Variants in RFX3 observed in about 807,000 individuals in gnomAD.
RFX3 encodes the protein regulatory factor X3.
A neutral mutation model predicts 98.6 loss-of-function variants in RFX3; 14 were observed. That is an observed-to-expected ratio of 0.14 (90% CI 0.09 to 0.22). The LOEUF is 0.22. Among genes scored for constraint, RFX3 ranks in the 10% least tolerant of loss-of-function variants. The probability of loss-of-function intolerance (pLI) is 1.00; values close to 1 mark genes in which losing one functional copy is unlikely to be tolerated. For synonymous variants in RFX3, 383 were observed against 328.4 expected (o/e 1.17, Z -1.80); for missense variants, 639 against 926.9 (o/e 0.69, Z 4.03).
At chr9:3,276,310 G>C (rs892338922) in intron 8 of RFX3, among the ~76,000 whole-genome samples, 6 of 152,094 alleles carry the variant, frequency 3.9e-5, no homozygotes, top group African/African-American at 1.2e-4. Flanking sequence ...TCCCTTGTGA[G>C]GGAGGCGTAA....
intron 1 of RFX3, among the ~76,000 whole-genome samples, chr9:3,427,462 TATAA>T (rs1172674099): frequency 6.9e-6 from 1 of 144,574 alleles, no homozygotes; most frequent in Non-Finnish European, 1.5e-5. Flanking sequence ...TAATACAATA[TATAA>T]ATATATATTG....
intron 2 of RFX3, among the ~76,000 whole-genome samples, chr9:3,366,710 CT>C (rs1275683586): frequency 3.3e-5 from 3 of 92,022 alleles, no homozygotes; most frequent in Non-Finnish European, 4.4e-5. Flanking sequence ...TTCTTTCTTT[CT>C]TTCTTTCTTT....
chr9:3,502,117 G>C (rs1004464771), intron 1 of RFX3, among the ~76,000 whole-genome samples: 2 of 151,514 alleles, frequency 1.3e-5, no homozygotes, highest in Non-Finnish European at 2.9e-5. Context: ...AAATTAGCCG[G>C]GCGTAGTGGC....
At chr9:3,435,263 T>C (rs577255377) in intron 1 of RFX3, among the ~76,000 whole-genome samples, 2 of 152,202 alleles carry the variant, frequency 1.3e-5, no homozygotes, top group African/African-American at 4.8e-5. Context: ...CTTTCTACTT[T>C]ATAAACTTTT....
At chr9:3,344,843 G>A (rs1834276275) in intron 3 of RFX3, 4 of 715,508 alleles carry the variant, frequency 5.6e-6, no homozygotes, top group Admixed American at 2.0e-5. Context: ...TAAGTTTATG[G>A]TGAAGATTCC....
chr9:3,270,452 T>A lies in RFX3; in HGVS notation c.1276A>T (p.Lys426Ter). Reference protein sequence around the residue: ...ITLCKHESILKWMCNCDHGMY... With the variant: ...ITLCKHESIL ...CCATGGTCACAGTTACACATCCATT[T>A]CAGGATAGACTCATGTTTGCACAGA... is the stretch of plus-strand genomic sequence containing the variant. The change falls in exon 11 of 17, where the codon AAA becomes TAA. Residue 426 changes from lysine to a stop codon, truncating the protein, a stop_gained. Transcript: ENST00000617270. LOFTEE classifies it high-confidence loss of function. The A allele has an allele frequency of 6.2e-7, 1 of 1,613,874 alleles. No homozygotes were observed.
At chr9:3,505,230 GAA>G (rs1564186797) in intron 1 of RFX3, among the ~76,000 whole-genome samples, 3 of 58,358 alleles carry the variant, frequency 5.1e-5, no homozygotes, top group African/African-American at 4.0e-4. Context: ...ATTTATATAT[GAA>G]TATATATTTA....
In RFX3 at chr9:3,248,035, G is replaced by T; in HGVS notation, c.1965C>A (p.Gly655=). ...ATGETPIAVM[G]EFGDLNAVSP... ...CAGCTCTTTCAGCCTCTCTTACCTC[G>T]CCCATGACTGCTATAGGAGTCTCTC... Residue 655 remains glycine, a synonymous_variant, in exon 15 of 17, where the codon GGC becomes GGA. Coordinates refer to ENST00000617270, the MANE Select transcript of RFX3 (RefSeq NM_001282116.2). The T allele has an allele frequency of 2.5e-6, 4 of 1,613,822 alleles. No homozygotes were observed. Among genetic ancestry groups the T allele is most frequent in the Non-Finnish European group, 3.4e-6 (4 of 1,179,908 alleles).
At chr9:3,510,385 G>A (rs1187162962) in intron 1 of RFX3, among the ~76,000 whole-genome samples, 1 of 151,980 alleles carries the variant, frequency 6.6e-6, no homozygotes, top group Non-Finnish European at 1.5e-5. Flanking sequence ...AAGAGACAGT[G>A]TTCTTCCAAA....
chr9:3,222,450 T>C lies in RFX3; in HGVS notation c.*2592A>G, dbSNP rs1586626678. On this transcript the variant is annotated 3_prime_UTR_variant, in exon 17 of 17. Coordinates refer to ENST00000617270, the MANE Select transcript of RFX3 (RefSeq NM_001282116.2). ...TCATCAATCTAAATTTGCCCATTATTACCAGATTCCTGTAATGATACAAAT... is the reference window on the plus strand; with the variant it reads ...TCATCAATCTAAATTTGCCCATTATCACCAGATTCCTGTAATGATACAAAT... 6.6e-6 allele frequency: 1 copy of C among 152,192 alleles called. No individual in the cohort carries two copies. Among genetic ancestry groups the C allele is most frequent in the South Asian group, 2.1e-4 (1 of 4,834 alleles). The allele number at this position is 152,192 out of a possible 1,614,324, so 9.4% of individuals were successfully genotyped here. A position where few individuals can be genotyped will look rare whatever the true frequency, so the allele number is the denominator to read the frequency against.
chr9:3,273,822 A>G lies in RFX3; in HGVS notation c.1086+1678T>C, dbSNP rs570351130. ...GGTGGTTGCAGTGAGCCGAGATCGCACTACTGCACTCCAGCCTGGGTGACA... is the reference window on the plus strand; with the variant it reads ...GGTGGTTGCAGTGAGCCGAGATCGCGCTACTGCACTCCAGCCTGGGTGACA... On this transcript the variant is annotated intron_variant, in intron 9 of 16. Transcript: ENST00000617270. Among the ~76,000 whole-genome samples, 15 of 150,266 alleles carry G rather than the reference A, an allele frequency of 1.0e-4. No homozygotes were observed. In the East Asian group the frequency reaches 1.2e-3, roughly 12 times the overall value.
At chr9:3,227,121 T>C (rs761693587) in intron 16 of RFX3, among the ~76,000 whole-genome samples, 1 of 152,146 alleles carries the variant, frequency 6.6e-6, no homozygotes, top group African/African-American at 2.4e-5. Flanking sequence ...ACACTGCTTC[T>C]CTGCTCCCTG....
At chr9:3,392,340 TA>T (rs905448972) in intron 2 of RFX3, among the ~76,000 whole-genome samples, 8 of 148,476 alleles carry the variant, frequency 5.4e-5, no homozygotes, top group African/African-American at 9.9e-5. Flanking sequence ...TTCAACAAGT[TA>T]AAAAAAAATT....
intron 1 of RFX3, among the ~76,000 whole-genome samples, chr9:3,402,377 C>T (rs1169028077): frequency 6.6e-6 from 1 of 152,092 alleles, no homozygotes; most frequent in African/African-American, 2.4e-5. Flanking sequence ...TTCCTTTATC[C>T]TTAGCATAGA....
intron 15 of RFX3, among the ~76,000 whole-genome samples, 200 bp from the exon 16 acceptor site, chr9:3,229,089 G>C (rs1397023060): frequency 6.6e-6 from 1 of 152,152 alleles, no homozygotes; most frequent in Admixed American, 6.6e-5. Context: ...TCACAATTTA[G>C]CTGTCTTAGC....
intron 2 of RFX3, among the ~76,000 whole-genome samples, chr9:3,373,722 A>G (rs961027238): frequency 6.6e-6 from 1 of 152,164 alleles, no homozygotes; most frequent in African/African-American, 2.4e-5. Context: ...GACAAAAAGT[A>G]TAGGAGGAGG....
At chr9:3,251,113 T>C (rs1381068394) in intron 14 of RFX3, among the ~76,000 whole-genome samples, 2 of 152,192 alleles carry the variant, frequency 1.3e-5, no homozygotes, top group South Asian at 2.1e-4. Context: ...GTATGAGGCA[T>C]AAACATAATG....
At chr9:3,466,625 A>C (rs1848246418) in intron 1 of RFX3, among the ~76,000 whole-genome samples, 1 of 152,084 alleles carries the variant, frequency 6.6e-6, no homozygotes, top group Non-Finnish European at 1.5e-5. Flanking sequence ...TGGATAGGAG[A>C]CTTTGTATAA....
At chr9:3,521,925 A>G (rs1447994307) in intron 1 of RFX3, among the ~76,000 whole-genome samples, 2 of 152,168 alleles carry the variant, frequency 1.3e-5, no homozygotes, top group African/African-American at 4.8e-5. Context: ...ACCATTATTT[A>G]TAAGAATTGA....
Sources: gnomAD v4.1 joint callset for allele counts (sites outside exome capture counted in the v4.1 genomes callset) on GRCh38, gnomAD v4.1.1 for gene constraint, MANE v1.5 for transcripts, NCBI Gene and HGNC (gene_info 2026-07-23, HGNC 2026-07-21) for gene names.